CD276: variants seen among roughly 807,000 people sequenced by gnomAD.
CD276 encodes the protein CD276 antigen.
Under a neutral mutation model 50.0 loss-of-function variants are expected in CD276, and 34 were observed. The ratio of observed to expected loss-of-function variants is 0.68; its 90% confidence interval spans 0.52 to 0.91. The LOEUF is 0.91. Among genes scored for constraint, CD276 ranks in the 40% least tolerant of loss-of-function variants. The pLI is 0.00. For synonymous variants in CD276, 275 were observed against 313.0 expected (o/e 0.88, Z 1.28); for missense variants, 634 against 717.5 (o/e 0.88, Z 1.33).
chr15:73,708,345 C>T lies in CD276; in HGVS notation c.1376C>T (p.Pro459Leu). 6.2e-7 allele frequency: 1 copy of T among 1,614,112 alleles called. No homozygotes were observed. The highest frequency in any genetic ancestry group is 8.5e-7 in the Non-Finnish European group (1 of 1,180,006). ...AHGSVTITGQPMTFPPEALWV... is the reference protein window; with the variant it reads ...AHGSVTITGQLMTFPPEALWV... ...TTGCTACTTTTCCTCTCAGGGCAGC[C>T]TATGACATTCCCCCCAGAGGCCCTG... is the stretch of plus-strand genomic sequence containing the variant. The change falls in exon 7 of 10, where the codon CCT (proline) becomes CTT (leucine). Residue 459 changes from proline (P) to leucine (L), a missense_variant. Transcript: ENST00000318443.
At chr15:73,711,353 A>C (rs1900894056) in intron 9 of CD276, 183 bp downstream of exon 9, 1 of 625,312 alleles carries the variant, frequency 1.6e-6, no homozygotes, top group Admixed American at 2.6e-5. Flanking sequence ...AGCTGCTCTG[A>C]TGGGACCCAA....
intron 1 of CD276, chr15:73,686,375 C>T (rs1899762518): frequency 1.2e-6 from 1 of 812,708 alleles, no homozygotes; most frequent in Non-Finnish European, 1.5e-6. Context: ...GTTTTCCTTC[C>T]TGTCCCCTCT....
chr15:73,692,215 C>T (rs75219305), intron 1 of CD276, among the ~76,000 whole-genome samples: 8,998 of 152,238 alleles, frequency 0.059, 289 homozygotes, highest in Non-Finnish European at 0.064. Flanking sequence ...ACTGAGCCTC[C>T]CCAGCCCCCA....
In CD276 at chr15:73,703,576, G is replaced by A. The variant is rs1297930339; in HGVS notation, c.734-83G>A. On this transcript the variant is annotated intron_variant, in intron 4 of 9. Coordinates refer to ENST00000318443, the MANE Select transcript of CD276 (RefSeq NM_001024736.2). ...ATGGAACAGGGTCTGGGAATTGATG[G>A]GGGAAGAGTTTGGGGGACTCGGGTG... 12 of 1,093,198 alleles carry A rather than the reference G, an allele frequency of 1.1e-5. 1 individual carries two copies. In the Admixed American group the frequency reaches 1.4e-4, roughly 12 times the overall value. 67.7% of individuals were successfully genotyped at this position (1,093,198 alleles called of 1,614,324 possible). A position where few individuals can be genotyped will look rare whatever the true frequency, so the allele number is the denominator to read the frequency against.
At chr15:73,699,474 A>G in intron 1 of CD276, 112 bp from the exon 2 acceptor site, 1 of 1,383,282 alleles carries the variant, frequency 7.2e-7, no homozygotes, top group Non-Finnish European at 9.8e-7. Flanking sequence ...GGGAATGAGG[A>G]CCTCCCAGTG....
intron 8 of CD276, among the ~76,000 whole-genome samples, chr15:73,709,921 C>T (rs1198975902): frequency 1.3e-5 from 2 of 152,198 alleles, no homozygotes; most frequent in East Asian, 3.9e-4. Context: ...CAACCTTTAC[C>T]CATCTGCCAG....
At chr15:73,699,746 G>C (rs1241429427) in intron 2 of CD276, 28 bp downstream of exon 2, 2 of 1,562,552 alleles carry the variant, frequency 1.3e-6, no homozygotes, top group Non-Finnish European at 1.7e-6. Context: ...GGGACGGGAG[G>C]GGAGGGACAG....
At chr15:73,685,451 ATTTGTGTGTGTGTGTGTGTG>A (rs1448120916) in intron 1 of CD276, among the ~76,000 whole-genome samples, 4 of 112,728 alleles carry the variant, frequency 3.5e-5, no homozygotes, top group Non-Finnish European at 7.1e-5. Flanking sequence ...AGCAAAAAAG[ATTTGTGTGTGTGTGTGTGTG>A]TGTGTGTGTG....
At position 73,709,680 on chromosome 15, in the gene CD276, T is replaced by C; in HGVS notation, c.1537T>C (p.Ser513Pro). 1.2e-6 allele frequency: 2 copies of C among 1,612,704 alleles called. No individual in the cohort carries two copies. Among genetic ancestry groups the C allele is most frequent in the Non-Finnish European group, 1.7e-6 (2 of 1,179,550 alleles). The change falls in exon 8 of 10, where the codon TCC (serine) becomes CCC (proline). Residue 513 changes from serine (S) to proline (P), a missense_variant. Physicochemically the swap from Ser to Pro is moderately conservative, Grantham distance 74 (BLOSUM62 -1). Coordinates refer to ENST00000318443, the MANE Select transcript of CD276 (RefSeq NM_001024736.2). ...AEDQDGEGEGSKTALQPLKHS... is the reference protein window; with the variant it reads ...AEDQDGEGEGPKTALQPLKHS... The stretch of plus-strand genomic sequence containing the variant: ...GGACCAGGATGGGGAGGGAGAAGGC[T>C]CCAAGACAGGTGAGTCTGAACTTGG...
chr15:73,691,448 G>A (rs1458399845), intron 1 of CD276, among the ~76,000 whole-genome samples: 1 of 152,210 alleles, frequency 6.6e-6, no homozygotes, highest in African/African-American at 2.4e-5. Flanking sequence ...CAACAAGAAA[G>A]AGTCTTTTTT....
At chr15:73,700,908 C>CCTCT (rs761233167) in intron 2 of CD276, among the ~76,000 whole-genome samples, 1 of 94,658 alleles carries the variant, frequency 1.1e-5, no homozygotes, top group Non-Finnish European at 1.9e-5. Context: ...TCCTCCTCCT[C>CCTCT]TTTTTTTTTT....
intron 1 of CD276, among the ~76,000 whole-genome samples, chr15:73,693,205 CAG>C (rs1001121622): frequency 1.3e-5 from 2 of 152,126 alleles, no homozygotes; most frequent in Non-Finnish European, 2.9e-5. Context: ...CAGACACCAG[CAG>C]AGAGAGGAGA....
At chr15:73,710,751 T>C (rs142060533) in intron 8 of CD276, among the ~76,000 whole-genome samples, 1 of 151,832 alleles carries the variant, frequency 6.6e-6, no homozygotes, top group South Asian at 2.1e-4. Context: ...GGTGATGGAG[T>C]TGGTCAGTCT....
intron 1 of CD276, chr15:73,685,036 C>T (rs976807721): frequency 2.0e-5 from 3 of 152,676 alleles, no homozygotes; most frequent in Non-Finnish European, 4.4e-5. Flanking sequence ...GGTGCACTTC[C>T]ACAGGCAGCC....
chr15:73,702,050 G>A (rs1900411292), intron 2 of CD276, among the ~76,000 whole-genome samples: 1 of 152,206 alleles, frequency 6.6e-6, no homozygotes, highest in African/African-American at 2.4e-5. Context: ...GCTCTCTGTT[G>A]CATTTCTGAC....
At chr15:73,712,149 C>T (rs143970222) in intron 9 of CD276, 16,828 of 122,620 alleles carry the variant, frequency 0.14, 1,074 homozygotes, top group African/African-American at 0.19. Context: ...AGCAAGATTC[C>T]ATCTCAAAAA....
chr15:73,702,029 A>T (rs947736506), intron 2 of CD276, among the ~76,000 whole-genome samples: 2 of 152,202 alleles, frequency 1.3e-5, no homozygotes, highest in African/African-American at 2.4e-5. Flanking sequence ...TGGGGATGTG[A>T]CCGTAGTATT....
At chr15:73,702,661 C>A in intron 3 of CD276, 68 bp downstream of exon 3, 1 of 1,556,348 alleles carries the variant, frequency 6.4e-7, no homozygotes, top group South Asian at 1.2e-5. Context: ...CCACCCCCTG[C>A]TGCACCACTG....
intron 1 of CD276, among the ~76,000 whole-genome samples, chr15:73,693,383 G>T (rs1301234425): frequency 1.3e-5 from 2 of 152,052 alleles, no homozygotes; most frequent in Non-Finnish European, 2.9e-5. Flanking sequence ...ACTTAAACCT[G>T]GATAAAATGG....
Sources: allele counts gnomAD v4.1 joint callset (sites outside exome capture counted in the v4.1 genomes callset), GRCh38; gene constraint gnomAD v4.1.1; transcripts MANE v1.5; gene names NCBI Gene and HGNC (gene_info 2026-07-23, HGNC 2026-07-21).